The following METTL9 variants were observed in gnomAD, a reference collection of about 807,000 sequenced individuals.
The protein encoded by METTL9 is methyltransferase 9, His-X-His N1(pi)-histidine, also known as protein-L-histidine N-pros-methyltransferase.
A neutral mutation model predicts 36.0 loss-of-function variants in METTL9; 10 were observed. The observed-to-expected ratio is 0.28, with a 90% CI of 0.17 to 0.47. METTL9 has a LOEUF of 0.47. METTL9 is among the 20% of genes least tolerant of loss of function. METTL9 has a pLI of 0.99. For synonymous variants in METTL9, 175 were observed against 149.7 expected (o/e 1.17, Z -1.23); for missense variants, 246 against 383.5 (o/e 0.64, Z 3.00).
chr16:21,603,698 G>C (rs1391434346), intron 1 of METTL9, among the ~76,000 whole-genome samples: 1 of 152,094 alleles, frequency 6.6e-6, no homozygotes, highest in Non-Finnish European at 1.5e-5. Context: ...GGTAATAATA[G>C]CGGTTCAGTA....
chr16:21,642,969 C>T, intron 4 of METTL9: 2 of 694,084 alleles, frequency 2.9e-6, no homozygotes, highest in Non-Finnish European at 5.0e-6. Flanking sequence ...CTCTTTCAGA[C>T]TCTTCTGAAG....
chr16:21,651,849 A>G (rs993319586), intron 4 of METTL9: 3 of 152,092 alleles, frequency 2.0e-5, no homozygotes, highest in African/African-American at 4.8e-5. Flanking sequence ...AAAGTAATAT[A>G]TACTTATTAG....
intron 1 of METTL9, among the ~76,000 whole-genome samples, chr16:21,607,504 T>C (rs1965319369): frequency 6.6e-6 from 1 of 152,232 alleles, no homozygotes; most frequent in African/African-American, 2.4e-5. Context: ...TTAGTATCTT[T>C]GCAGTTGTGT....
rs368363411 is a variant in METTL9 at position 21,617,946 on chromosome 16, C to T, written c.438C>T (p.Thr146=). ...TTAAAATTAATCCAGACTGGAAAAC[C>T]CACAGACTTCTTGATTTAGGTGCTG... is the stretch of plus-strand genomic sequence containing the variant. The part of the protein sequence containing the change: ...RLLKINPDWK[T]HRLLDLGAGD... The change falls in exon 3 of 5, where the codon ACC becomes ACT. Residue 146 remains threonine (T), a synonymous_variant. Transcript: ENST00000358154. 2.2e-4 allele frequency: 348 copies of T among 1,613,748 alleles called. 1 individual carries two copies. The highest frequency in any genetic ancestry group is 2.9e-4 in the Non-Finnish European group (341 of 1,179,942).
At chr16:21,629,167 A>G (rs769145847) in intron 4 of METTL9, among the ~76,000 whole-genome samples, 17 of 151,878 alleles carry the variant, frequency 1.1e-4, no homozygotes, top group Non-Finnish European at 2.2e-4. Context: ...CTGTGATTAC[A>G]TTTCCCTCTT....
intron 4 of METTL9, among the ~76,000 whole-genome samples, chr16:21,634,607 C>T (rs1966040861): frequency 6.6e-6 from 1 of 152,092 alleles, no homozygotes; most frequent in Non-Finnish European, 1.5e-5. Flanking sequence ...TGGGCCTGTC[C>T]CTATTATAGA....
chr16:21,611,660 C>A (rs946059150), intron 1 of METTL9, among the ~76,000 whole-genome samples: 1 of 152,142 alleles, frequency 6.6e-6, no homozygotes, highest in Non-Finnish European at 1.5e-5. Flanking sequence ...TAATCCTCAT[C>A]GTACCCTGCC....
At chr16:21,623,563 G>C (rs1297769211) in intron 3 of METTL9, among the ~76,000 whole-genome samples, 1 of 151,978 alleles carries the variant, frequency 6.6e-6, no homozygotes. Context: ...TTGTAAAATT[G>C]CCTAATTGTG....
In METTL9 at chr16:21,599,703, C is replaced by A; in HGVS notation, c.-31C>A. 6.8e-7 allele frequency: 1 copy of A among 1,462,192 alleles called. No homozygotes were observed. Among genetic ancestry groups the A allele is most frequent in the Non-Finnish European group, 9.0e-7 (1 of 1,111,164 alleles). 90.6% of individuals were successfully genotyped at this position (1,462,192 alleles called of 1,614,324 possible). A position where few individuals can be genotyped will look rare whatever the true frequency, so the allele number is the denominator to read the frequency against. ...CTCCTCCTCCTCGCCCCGGCGCCGG[C>A]GGTGATCCGAGCGAGCGGCCGCGGC... is the stretch of plus-strand genomic sequence containing the variant. On this transcript the variant is annotated 5_prime_UTR_variant, in exon 1 of 5. Coordinates refer to ENST00000358154, the MANE Select transcript of METTL9 (RefSeq NM_016025.5). This position sits in a 1 kb window ranked among gnomAD's most constrained non-coding sequence, Gnocchi z 4.4.
chr16:21,601,601 A>G (rs1362533990), intron 1 of METTL9, among the ~76,000 whole-genome samples: 1 of 152,210 alleles, frequency 6.6e-6, no homozygotes, highest in African/African-American at 2.4e-5. Flanking sequence ...AGCTGTAGAC[A>G]TAGCCTCAGA....
intron 1 of METTL9, among the ~76,000 whole-genome samples, chr16:21,609,120 T>C (rs1163597110): frequency 6.6e-6 from 1 of 152,182 alleles, no homozygotes; most frequent in African/African-American, 2.4e-5. Context: ...TTGCTTGTGG[T>C]AATGCAATTT....
At chr16:21,605,257 C>CCTTTTTTTTTTTTTTTT (rs1965246523) in intron 1 of METTL9, among the ~76,000 whole-genome samples, 1 of 51,204 alleles carries the variant, frequency 2.0e-5, no homozygotes, top group Non-Finnish European at 3.9e-5. Context: ...GGCTTGCCTT[C>CCTTTTTTTTTTTTTTTT]TTTTTTTTTT....
chr16:21,604,711 T>G lies in METTL9; in HGVS notation c.165+4813T>G, dbSNP rs79052279. On this transcript the variant is annotated intron_variant, in intron 1 of 4. Coordinates refer to ENST00000358154, the MANE Select transcript of METTL9 (RefSeq NM_016025.5). ...TTGACTGCATTGTAAAATCTTAGAA[T>G]GTGAATTTTGAATCCTTAGCTGTCA... Among the ~76,000 whole-genome samples the G allele has an allele frequency of 4.8e-3, 737 of 152,324 alleles. 6 individuals are homozygous for G. Among genetic ancestry groups the G allele is most frequent in the Non-Finnish European group, 8.6e-3 (584 of 68,030 alleles).
At chr16:21,625,917 A>G (rs1271841380) in intron 4 of METTL9, among the ~76,000 whole-genome samples, 1 of 152,124 alleles carries the variant, frequency 6.6e-6, no homozygotes, top group Non-Finnish European at 1.5e-5. Flanking sequence ...TATTTTTTTG[A>G]GACAGAGCCT....
At chr16:21,624,867 A>G in intron 3 of METTL9, 64 bp from the exon 4 acceptor site, 1 of 1,401,024 alleles carries the variant, frequency 7.1e-7, no homozygotes, top group East Asian at 2.3e-5. Context: ...TTGTCATCTC[A>G]GTTATTTTTA....
At chr16:21,624,807 T>C (rs1375952900) in intron 3 of METTL9, 124 bp from the exon 4 acceptor site, 1 of 840,156 alleles carries the variant, frequency 1.2e-6, no homozygotes, top group Non-Finnish European at 1.9e-6. Flanking sequence ...AAACATAAAT[T>C]ATAACAGAAG....
intron 1 of METTL9, 40 bp from the exon 2 acceptor site, chr16:21,612,605 T>C: frequency 6.9e-7 from 1 of 1,454,240 alleles, no homozygotes; most frequent in Non-Finnish European, 9.0e-7. Context: ...ACTTCGGTTG[T>C]GTGTTTTAAT....
At chr16:21,645,888 A>C (rs1966412350) in intron 4 of METTL9, among the ~76,000 whole-genome samples, 1 of 152,232 alleles carries the variant, frequency 6.6e-6, no homozygotes, top group African/African-American at 2.4e-5. Flanking sequence ...GACAGATGAG[A>C]ATAAACTAAG....
At chr16:21,645,854 CCTTAA>C (rs1409790846) in intron 4 of METTL9, among the ~76,000 whole-genome samples, 4 of 152,132 alleles carry the variant, frequency 2.6e-5, no homozygotes, top group South Asian at 4.1e-4. Context: ...GCTTTAAGTG[CCTTAA>C]CTTATTTATA....
Sources: gnomAD v4.1 joint callset for allele counts (sites outside exome capture counted in the v4.1 genomes callset) on GRCh38, gnomAD v4.1.1 for gene constraint, Gnocchi (gnomAD v3.1) non-coding constraint, MANE v1.5 for transcripts, NCBI Gene and HGNC (gene_info 2026-07-23, HGNC 2026-07-21) for gene names.